The following NCOA2 variants were observed in gnomAD, a reference collection of about 807,000 sequenced individuals.
The protein encoded by NCOA2 is nuclear receptor coactivator 2, also known as class E basic helix-loop-helix protein 75.
A neutral mutation model predicts 145.1 loss-of-function variants in NCOA2; 21 were observed. That is an observed-to-expected ratio of 0.14 (90% confidence interval 0.10 to 0.21). The LOEUF (loss-of-function observed/expected upper bound fraction) is 0.21, where lower values mean the gene tolerates loss of function less well. NCOA2 is among the 10% of genes least tolerant of loss of function. The pLI is 1.00. For missense variants in NCOA2, 1,472 were observed against 1,837.6 expected, an observed-to-expected ratio of 0.80 and a Z score of 3.64; for synonymous variants, 619 against 637.5, an observed-to-expected ratio of 0.97 and a Z score of 0.44.
chr8:70,266,105 G>A (rs762069365), intron 2 of NCOA2, among the ~76,000 whole-genome samples: 2 of 152,150 alleles, frequency 1.3e-5, no homozygotes, highest in Non-Finnish European at 2.9e-5. Flanking sequence ...AGCCGAAATC[G>A]CGCTACTGCA....
At chr8:70,431,666 T>G in the NCOA2 span, among the ~76,000 whole-genome samples, 1 of 152,242 alleles carries the variant, frequency 6.6e-6, no homozygotes, top group Admixed American at 6.5e-5. Flanking sequence ...TATATGCATT[T>G]CAAACCTTGA....
intron 14 of NCOA2, 23 bp from the exon 15 acceptor site, chr8:70,138,355 T>C (rs1384818361): frequency 1.3e-6 from 2 of 1,574,284 alleles, no homozygotes; most frequent in Non-Finnish European, 8.6e-7. Flanking sequence ...AAGAAAAAAA[T>C]CTTACATCTT....
In NCOA2 at chr8:70,227,489, AC is replaced by A. The variant is rs1039226864; in HGVS notation, c.-19-10726del. Among the ~76,000 whole-genome samples, 127 of 152,256 alleles carry A rather than the reference AC, an allele frequency of 8.3e-4. 1 individual carries two copies. The highest frequency in any genetic ancestry group is 3.0e-3 in the African/African-American group (123 of 41,536). ...TATGCTCTTTTCTCTGTTTTCCACC[AC>A]ACTTCTACAGTGGTAAAAAATAACA... On this transcript the variant is annotated intron_variant, in intron 2 of 22. Coordinates refer to ENST00000452400, the MANE Select transcript of NCOA2 (RefSeq NM_006540.4).
chr8:70,430,621 G>A, the NCOA2 span, among the ~76,000 whole-genome samples: 11 of 152,112 alleles, frequency 7.2e-5, no homozygotes, highest in Admixed American at 6.6e-4. Flanking sequence ...GTCATGATAG[G>A]TTAGTTCGGC....
chr8:70,141,142 G>C (rs761434856), intron 14 of NCOA2, 42 bp downstream of exon 14: 30 of 1,558,670 alleles, frequency 1.9e-5, no homozygotes, highest in African/African-American at 2.7e-5. Flanking sequence ...TTTTCTAAGA[G>C]AGCATAAAAG....
At chr8:70,453,200 T>G in the NCOA2 span, among the ~76,000 whole-genome samples, 1 of 152,330 alleles carries the variant, frequency 6.6e-6, no homozygotes, top group Non-Finnish European at 1.5e-5. Context: ...AAAGTGTTCC[T>G]GATGAAACTT....
chr8:70,121,420 A>T (rs1807796291), intron 21 of NCOA2, 29 bp from the exon 22 acceptor site: 1 of 1,558,200 alleles, frequency 6.4e-7, no homozygotes, highest in Admixed American at 1.7e-5. Flanking sequence ...GACAGTGGCT[A>T]CGCAGAGCAG....
intron 4 of NCOA2, among the ~76,000 whole-genome samples, chr8:70,187,757 T>C (rs1476291451): frequency 6.6e-6 from 1 of 152,240 alleles, no homozygotes; most frequent in Non-Finnish European, 1.5e-5. Flanking sequence ...GTTTTACATA[T>C]ATTAACCACA....
chr8:70,318,513 C>A (rs1388930945), intron 1 of NCOA2, among the ~76,000 whole-genome samples: 1 of 152,144 alleles, frequency 6.6e-6, no homozygotes, highest in Non-Finnish European at 1.5e-5. Context: ...TGCCTGTAAT[C>A]CCAGCACTTT....
chr8:70,302,157 T>C (rs950243446), intron 1 of NCOA2, among the ~76,000 whole-genome samples: 2 of 152,184 alleles, frequency 1.3e-5, no homozygotes, highest in Non-Finnish European at 1.5e-5. Flanking sequence ...ATTGTTATTA[T>C]ACAAATATAT....
At chr8:70,295,183 A>AC (rs1447821070) in intron 2 of NCOA2, among the ~76,000 whole-genome samples, 2 of 152,230 alleles carry the variant, frequency 1.3e-5, no homozygotes, top group Admixed American at 1.3e-4. Context: ...AATTATGCCT[A>AC]CCGCTACCTT....
intron 4 of NCOA2, among the ~76,000 whole-genome samples, chr8:70,198,598 G>A (rs2133454721): frequency 6.6e-6 from 1 of 152,244 alleles, no homozygotes; most frequent in Non-Finnish European, 1.5e-5. Flanking sequence ...GAGAAAAGAT[G>A]TCTTAAATTA....
chr8:70,403,518 C>T lies in NCOA2; in HGVS notation c.-77+182G>A, dbSNP rs1211399349. Among the ~76,000 whole-genome samples, 19 of 148,156 alleles carry T rather than the reference C, an allele frequency of 1.3e-4. 1 individual carries two copies. On this transcript the variant is annotated intron_variant, in intron 1 of 22. Transcript: ENST00000452400. ...GCGTCGCTGCGCCTCCGGGATGCAACTCCCGTTTTCCGCGCACTCCGGCGG... is the reference window on the plus strand; with the variant it reads ...GCGTCGCTGCGCCTCCGGGATGCAATTCCCGTTTTCCGCGCACTCCGGCGG...
intron 1 of NCOA2, among the ~76,000 whole-genome samples, chr8:70,373,102 T>C (rs1345546974): frequency 2.7e-5 from 4 of 150,420 alleles, no homozygotes; most frequent in Non-Finnish European, 5.9e-5. Flanking sequence ...TGTGGACATG[T>C]GCTTACATTC....
rs540277924 is a variant in NCOA2, at chr8:70,197,974, T to A, written c.259+15929A>T. Among the ~76,000 whole-genome samples, 131 of 152,292 alleles carry A rather than the reference T, an allele frequency of 8.6e-4. 1 individual carries two copies. The highest frequency in any genetic ancestry group is 3.0e-3 in the African/African-American group (126 of 41,560). On this transcript the variant is annotated intron_variant, in intron 4 of 22. Coordinates refer to ENST00000452400, the MANE Select transcript of NCOA2 (RefSeq NM_006540.4). The stretch of plus-strand genomic sequence containing the variant: ...CCACCATGCCCATTTAATTTTTTTT[T>A]ATTTTTTGTAGGGACAGGATCTCAC...
chr8:70,273,876 A>G (rs958355093), intron 2 of NCOA2: 14 of 531,724 alleles, frequency 2.6e-5, no homozygotes, highest in Non-Finnish European at 4.4e-5. Flanking sequence ...ACTTCTGAAG[A>G]CAAAACTTGA....
chr8:70,297,850 T>C (rs1367437966), intron 1 of NCOA2, among the ~76,000 whole-genome samples: 3 of 152,234 alleles, frequency 2.0e-5, no homozygotes, highest in African/African-American at 7.2e-5. Flanking sequence ...ATTAAGTTTG[T>C]TCCCAAGAAA....
At chr8:70,403,850 T>C (rs1233499423), upstream of NCOA2, 1 of 301,096 alleles carries the variant, frequency 3.3e-6, no homozygotes, top group Non-Finnish European at 6.2e-6. Context: ...CCCAACTCCC[T>C]CCTCCTCCTC....
intron 1 of NCOA2, among the ~76,000 whole-genome samples, chr8:70,372,372 C>G (rs186920412): frequency 6.6e-6 from 1 of 152,286 alleles, no homozygotes; most frequent in East Asian, 1.9e-4. Flanking sequence ...TTAACATGTT[C>G]AGAAGTGCTG....
Sources: gnomAD v4.1 joint callset for allele counts (sites outside exome capture counted in the v4.1 genomes callset) on GRCh38, gnomAD v4.1.1 for gene constraint, MANE v1.5 for transcripts, NCBI Gene and HGNC (gene_info 2026-07-23, HGNC 2026-07-21) for gene names.